The following SDK1 variants were observed in gnomAD, a reference collection of about 807,000 sequenced individuals.
SDK1 encodes the protein protein sidekick-1.
In SDK1, 157 loss-of-function variants were observed where a neutral mutation model predicts 245.5. That is an observed-to-expected ratio of 0.64 (90% CI 0.56 to 0.73). SDK1 has a LOEUF of 0.73. Among genes scored for constraint, SDK1 ranks in the 30% least tolerant of loss-of-function variants. SDK1 has a pLI of 0.00. For missense variants in SDK1, 3,583 were observed against 3,002.3 expected, an observed-to-expected ratio of 1.19 and a Z score of -4.52; for synonymous variants, 1,647 against 1,278.5, an observed-to-expected ratio of 1.29 and a Z score of -6.15.
intron 39 of SDK1, 76 bp from the exon 40 acceptor site, chr7:4,221,163 C>T: frequency 1.3e-6 from 2 of 1,567,488 alleles, no homozygotes; most frequent in Non-Finnish European, 1.7e-6. Context: ...TGACCCCCCA[C>T]TGTGAAATCT....
intron 5 of SDK1, among the ~76,000 whole-genome samples, chr7:3,933,833 G>A (rs139466813): frequency 1.0e-3 from 153 of 152,266 alleles, no homozygotes; most frequent in African/African-American, 3.6e-3. Context: ...AAATAAAAAG[G>A]GGGGTGACCT....
At chr7:3,450,767 A>G (rs914542730) in intron 1 of SDK1, among the ~76,000 whole-genome samples, 4 of 152,140 alleles carry the variant, frequency 2.6e-5, no homozygotes, top group Non-Finnish European at 5.9e-5. Flanking sequence ...TATTTTAGTC[A>G]TGGGAGTATA....
intron 4 of SDK1, among the ~76,000 whole-genome samples, chr7:3,820,789 C>T (rs1246731658): frequency 6.6e-6 from 1 of 152,186 alleles, no homozygotes; most frequent in Admixed American, 6.5e-5. Flanking sequence ...CTCAGAGATG[C>T]CTTTCCCAGT....
Position 3,645,440 on chromosome 7 carries a change from A to G in SDK1, c.713+3335A>G, listed in dbSNP as rs1481159493. 3.3e-5 allele frequency among the ~76,000 whole-genome samples: 5 copies of G among 152,330 alleles called. No individual in the cohort carries two copies. The East Asian group carries it at 7.7e-4, about 23-fold the overall frequency. ...TTAAGTACCTGCTGTGCAAGATTAC[A>G]TAAATCAGTATGGATATGTGTTTTT... On this transcript the variant is annotated intron_variant, in intron 4 of 44. Coordinates refer to ENST00000404826, the MANE Select transcript of SDK1 (RefSeq NM_152744.4).
chr7:3,644,452 T>C (rs1583264413), intron 4 of SDK1, among the ~76,000 whole-genome samples: 1 of 151,938 alleles, frequency 6.6e-6, no homozygotes, highest in Middle Eastern at 3.4e-3. Context: ...TCATTCTTAG[T>C]AGACTGTTAG....
intron 40 of SDK1, among the ~76,000 whole-genome samples, chr7:4,224,095 G>A (rs948433643): frequency 2.0e-5 from 3 of 152,200 alleles, no homozygotes; most frequent in Admixed American, 6.5e-5. Context: ...CATGCCTCCA[G>A]CATTACCTGG....
intron 5 of SDK1, among the ~76,000 whole-genome samples, chr7:3,857,796 G>A (rs935193115): frequency 6.6e-6 from 1 of 152,048 alleles, no homozygotes; most frequent in African/African-American, 2.4e-5. Flanking sequence ...TCTTTTTCCT[G>A]TTCATCAGGA....
chr7:3,988,053 C>A (rs556265367), intron 14 of SDK1, among the ~76,000 whole-genome samples: 8 of 152,070 alleles, frequency 5.3e-5, no homozygotes, highest in Non-Finnish European at 8.8e-5. Flanking sequence ...CTTATGGGGC[C>A]CAGCAACTTG....
chr7:4,066,727 G>A (rs1235779000), intron 19 of SDK1, among the ~76,000 whole-genome samples: 1 of 152,188 alleles, frequency 6.6e-6, no homozygotes, highest in Non-Finnish European at 1.5e-5. Context: ...TGGGTGAGCT[G>A]GTGCAAGAGA....
chr7:3,350,584 G>A (rs920236305), intron 1 of SDK1, among the ~76,000 whole-genome samples: 2 of 152,112 alleles, frequency 1.3e-5, no homozygotes, highest in Non-Finnish European at 2.9e-5. Flanking sequence ...TTGCCCTGAG[G>A]CATTTTTCCT....
intron 1 of SDK1, among the ~76,000 whole-genome samples, chr7:3,553,033 T>C (rs1037576037): frequency 2.0e-5 from 3 of 152,182 alleles, no homozygotes; most frequent in Non-Finnish European, 4.4e-5. Flanking sequence ...TACAGAGAAA[T>C]AGTAAATAAA....
At chr7:3,663,149 A>G (rs1783418592) in intron 4 of SDK1, among the ~76,000 whole-genome samples, 1 of 152,224 alleles carries the variant, frequency 6.6e-6, no homozygotes. Context: ...TGGTAAGCAG[A>G]AAAATTGTTG....
chr7:4,088,129 G>T (rs564511570), intron 22 of SDK1, among the ~76,000 whole-genome samples: 39 of 152,294 alleles, frequency 2.6e-4, no homozygotes, highest in African/African-American at 9.1e-4. Context: ...AGCCGGATTG[G>T]AGCCTGCAAA....
intron 14 of SDK1, among the ~76,000 whole-genome samples, chr7:4,001,306 C>T (rs541599940): frequency 6.6e-6 from 1 of 152,368 alleles, no homozygotes; most frequent in Admixed American, 6.5e-5. Context: ...GTTCCCCAAG[C>T]TTCTGGATAT....
chr7:3,382,775 C>T (rs1403030032), intron 1 of SDK1, among the ~76,000 whole-genome samples: 2 of 152,118 alleles, frequency 1.3e-5, no homozygotes, highest in Non-Finnish European at 2.9e-5. Context: ...TGTCTCACAA[C>T]ATGAATAGTT....
chr7:3,658,828 G>T (rs1783268949), intron 4 of SDK1, among the ~76,000 whole-genome samples: 1 of 152,088 alleles, frequency 6.6e-6, no homozygotes, highest in African/African-American at 2.4e-5. Context: ...ATGTTGGCCA[G>T]GCTGGTCTCA....
chr7:3,933,619 A>G lies in SDK1; in HGVS notation c.848-17304A>G, dbSNP rs182787478. On this transcript the variant is annotated intron_variant, in intron 5 of 44. Coordinates refer to ENST00000404826, the MANE Select transcript of SDK1 (RefSeq NM_152744.4). ...ATGCTCCTCAAACTTGAAATAAACA[A>G]GACACTGATTATCTAAAAGCATGGC... Among the ~76,000 whole-genome samples, 274 of 152,334 alleles carry G rather than the reference A, an allele frequency of 1.8e-3. 1 individual carries two copies. The highest frequency in any genetic ancestry group is 6.4e-3 in the African/African-American group (264 of 41,570).
intron 44 of SDK1, among the ~76,000 whole-genome samples, chr7:4,260,650 G>C (rs1419048244): frequency 1.3e-5 from 2 of 148,520 alleles, no homozygotes; most frequent in Non-Finnish European, 3.0e-5. Flanking sequence ...CGGGGTCTCT[G>C]GGTGTGTGGG....
intron 1 of SDK1, among the ~76,000 whole-genome samples, chr7:3,556,753 C>T (rs1442233965): frequency 1.3e-5 from 2 of 152,220 alleles, no homozygotes; most frequent in Middle Eastern, 6.8e-3. Context: ...AAGATCACGC[C>T]ACTGCACTCC....
Sources: allele counts gnomAD v4.1 joint callset (sites outside exome capture counted in the v4.1 genomes callset), GRCh38; gene constraint gnomAD v4.1.1; transcripts MANE v1.5; gene names NCBI Gene and HGNC (gene_info 2026-07-23, HGNC 2026-07-21).